Variants in PDE10A observed in about 807,000 individuals in gnomAD.
The protein encoded by PDE10A is phosphodiesterase 10A, also known as cAMP and cAMP-inhibited cGMP 3',5'-cyclic phosphodiesterase 10A.
In PDE10A, 39 loss-of-function variants were observed where a neutral mutation model predicts 97.7. That is an observed-to-expected ratio of 0.40 (90% CI 0.31 to 0.52). The LOEUF is 0.52. Among genes scored for constraint, PDE10A ranks in the 20% least tolerant of loss-of-function variants. The pLI, the probability that PDE10A is intolerant of heterozygous loss-of-function variation, is 0.56. For synonymous variants in PDE10A, 371 were observed against 376.8 expected, an observed-to-expected ratio of 0.98 and a Z score of 0.18; for missense variants, 731 against 1,047.8, an observed-to-expected ratio of 0.70 and a Z score of 4.17.
At chr6:165,334,631 C>T (rs1037033537) in intron 21 of PDE10A, among the ~76,000 whole-genome samples, 1 of 151,544 alleles carries the variant, frequency 6.6e-6, no homozygotes, top group African/African-American at 2.4e-5. Flanking sequence ...TAATTTTGCA[C>T]ACACTTTTAT....
intron 1 of PDE10A, among the ~76,000 whole-genome samples, chr6:165,813,451 TA>T (rs11364812): frequency 0.4 from 59,939 of 151,676 alleles, 11,984 homozygotes; most frequent in Non-Finnish European, 0.43. Context: ...CTAGTGACTT[TA>T]TGACCAAATC....
intron 1 of PDE10A, among the ~76,000 whole-genome samples, chr6:165,673,620 A>C (rs1790709428): frequency 6.6e-6 from 1 of 152,136 alleles, no homozygotes; most frequent in Non-Finnish European, 1.5e-5. Context: ...TTTACATGTT[A>C]GTTTTAGCGA....
At chr6:165,732,727 G>A (rs1363736026) in intron 1 of PDE10A, among the ~76,000 whole-genome samples, 3 of 152,182 alleles carry the variant, frequency 2.0e-5, no homozygotes, top group South Asian at 2.1e-4. Flanking sequence ...TGGTCCCAGC[G>A]TCACATCCAA....
At chr6:165,933,246 G>T (rs1383718526) in intron 1 of PDE10A, among the ~76,000 whole-genome samples, 1 of 152,176 alleles carries the variant, frequency 6.6e-6, no homozygotes, top group African/African-American at 2.4e-5. Context: ...AGGCAAGGAG[G>T]AGAAGGTGAA....
chr6:165,930,393 A>G (rs1040935711), intron 1 of PDE10A, among the ~76,000 whole-genome samples: 8 of 152,200 alleles, frequency 5.3e-5, no homozygotes, highest in Non-Finnish European at 1.2e-4. Flanking sequence ...GGAAGGAAAC[A>G]CTTGAATTTC....
intron 2 of PDE10A, among the ~76,000 whole-genome samples, chr6:165,533,317 G>A (rs1782893227): frequency 6.6e-6 from 1 of 152,092 alleles, no homozygotes; most frequent in Non-Finnish European, 1.5e-5. Context: ...ATCATAGAGT[G>A]ACTTGCACAA....
intron 18 of PDE10A, among the ~76,000 whole-genome samples, chr6:165,369,253 A>G (rs1178977514): frequency 6.6e-6 from 1 of 152,182 alleles, no homozygotes; most frequent in Non-Finnish European, 1.5e-5. Context: ...AGCTGAGAGC[A>G]GAAGGCTTCA....
At chr6:165,735,435 T>A (rs1384748070) in intron 1 of PDE10A, among the ~76,000 whole-genome samples, 1 of 151,904 alleles carries the variant, frequency 6.6e-6, no homozygotes, top group East Asian at 1.9e-4. Flanking sequence ...GGTAGGTTGG[T>A]AGATATATAG....
At chr6:165,597,975 A>C (rs1219572896) in intron 1 of PDE10A, among the ~76,000 whole-genome samples, 1 of 152,234 alleles carries the variant, frequency 6.6e-6, no homozygotes, top group East Asian at 1.9e-4. Flanking sequence ...CTTGTGAACG[A>C]AACAGGGCAA....
chr6:165,456,263 T>G (rs1777950220), intron 3 of PDE10A, among the ~76,000 whole-genome samples: 1 of 152,310 alleles, frequency 6.6e-6, no homozygotes, highest in Non-Finnish European at 1.5e-5. Context: ...TCTATCAACT[T>G]TGAACACCTA....
chr6:165,769,932 T>G (rs1288781445), intron 1 of PDE10A, among the ~76,000 whole-genome samples: 1 of 152,200 alleles, frequency 6.6e-6, no homozygotes, highest in Non-Finnish European at 1.5e-5. Context: ...CTTATAGCTA[T>G]AAATACCACC....
At chr6:165,586,440 C>T (rs962395801) in intron 1 of PDE10A, among the ~76,000 whole-genome samples, 3 of 152,158 alleles carry the variant, frequency 2.0e-5, no homozygotes, top group Non-Finnish European at 4.4e-5. Context: ...AAACCCATTA[C>T]TCTTCAATAT....
chr6:165,584,500 A>ACT (rs1785795956), intron 1 of PDE10A, among the ~76,000 whole-genome samples: 1 of 151,802 alleles, frequency 6.6e-6, no homozygotes, highest in East Asian at 1.9e-4. Context: ...GATCCACCTG[A>ACT]CTCTCACCAG....
intron 18 of PDE10A, among the ~76,000 whole-genome samples, chr6:165,375,685 A>T (rs1418560921): frequency 6.6e-6 from 1 of 152,240 alleles, no homozygotes; most frequent in Non-Finnish European, 1.5e-5. Flanking sequence ...GGAGAAGTCA[A>T]TGTCTAGCTC....
At chr6:165,335,726 C>T (rs2128174893) in intron 21 of PDE10A, among the ~76,000 whole-genome samples, 1 of 152,182 alleles carries the variant, frequency 6.6e-6, no homozygotes, top group South Asian at 2.1e-4. Flanking sequence ...CAAAGAAAGA[C>T]CTGGCACCCC....
At chr6:165,656,886 C>T (rs1409263036) in intron 1 of PDE10A, among the ~76,000 whole-genome samples, 6 of 152,222 alleles carry the variant, frequency 3.9e-5, no homozygotes, top group African/African-American at 1.4e-4. Context: ...GATCTGTGTG[C>T]TCCTCGAAAT....
chr6:165,939,541 G>GT (rs1783443117), intron 1 of PDE10A: 1 of 152,118 alleles, frequency 6.6e-6, no homozygotes, highest in Non-Finnish European at 1.5e-5. Context: ...ACATGGATAA[G>GT]TTCTTTAGTG....
intron 1 of PDE10A, among the ~76,000 whole-genome samples, chr6:165,619,289 A>AGTG: frequency 2.2e-5 from 1 of 45,780 alleles, no homozygotes; most frequent in South Asian, 6.8e-4. Context: ...GTAGTCTAGC[A>AGTG]TAGTCTAGTG....
At chr6:165,344,289 G>A (rs988484393) in intron 18 of PDE10A, among the ~76,000 whole-genome samples, 5 of 152,142 alleles carry the variant, frequency 3.3e-5, no homozygotes, top group Non-Finnish European at 5.9e-5. Context: ...GCTACCCTAA[G>A]TGAAGTCTCT....
Sources: gnomAD v4.1 joint callset for allele counts (sites outside exome capture counted in the v4.1 genomes callset) on GRCh38, gnomAD v4.1.1 for gene constraint, MANE v1.5 for transcripts, NCBI Gene and HGNC (gene_info 2026-07-23, HGNC 2026-07-21) for gene names.